Variants in RAP1GAP observed in about 807,000 individuals in gnomAD.
The protein encoded by RAP1GAP is rap1 GTPase-activating protein 1.
A neutral mutation model predicts 87.2 loss-of-function variants in RAP1GAP; 35 were observed. The observed-to-expected ratio is 0.40, with a 90% CI of 0.31 to 0.53. The LOEUF is 0.53. Ranked by LOEUF, RAP1GAP falls within the 20% of genes least tolerant of loss-of-function variation. RAP1GAP has a pLI of 0.48. For missense variants in RAP1GAP, 734 were observed against 898.9 expected (o/e 0.82, Z 2.35); for synonymous variants, 375 against 363.9 (o/e 1.03, Z -0.35).
intron 1 of RAP1GAP, among the ~76,000 whole-genome samples, chr1:21,654,848 A>G (rs541137329): frequency 6.6e-6 from 1 of 151,500 alleles, no homozygotes; most frequent in South Asian, 2.1e-4. Context: ...AAAAGAAAAA[A>G]GAAAAAGAAA....
chr1:21,636,946 AAGGGAGGGAGGG>A (rs1279072309), intron 2 of RAP1GAP, among the ~76,000 whole-genome samples: 34 of 62,232 alleles, frequency 5.5e-4, no homozygotes, highest in Admixed American at 2.4e-3. Context: ...GGGAGGGAGG[AAGGGAGGGAGGG>A]AGGGAGGAAG....
Position 21,634,023 on chromosome 1 carries a change from C to T in RAP1GAP, c.-112-7626G>A, listed in dbSNP as rs911633934. Among the ~76,000 whole-genome samples, 1 of 148,892 alleles carries T rather than the reference C, an allele frequency of 6.7e-6. No individual in the cohort carries two copies. Among genetic ancestry groups the T allele is most frequent in the South Asian group, 2.1e-4 (1 of 4,652 alleles). On this transcript the variant is annotated intron_variant, in intron 2 of 24. Transcript: ENST00000374765. This position sits in a 1 kb window ranked among gnomAD's most constrained non-coding sequence, Gnocchi z 4.1. Reference sequence around the variant, plus strand: ...TGAGGGGACTCGAATCTCCTGAAACCAGAACCAAGTGGCTGCCCCAGAACT... The same window carrying T: ...TGAGGGGACTCGAATCTCCTGAAACTAGAACCAAGTGGCTGCCCCAGAACT...
intron 2 of RAP1GAP, among the ~76,000 whole-genome samples, chr1:21,633,336 C>T (rs2094130737): frequency 6.6e-6 from 1 of 152,212 alleles, no homozygotes; most frequent in Non-Finnish European, 1.5e-5. Context: ...TCTGTCCTAA[C>T]CTCCCCAGGC....
At position 21,617,295 on chromosome 1, in the gene RAP1GAP, C is replaced by T. The variant is rs765451223; in HGVS notation, c.291+11G>A. ...CCCCAGCCAGCCCCGCTGCACCAGC[C>T]GGCCACCCACCTTGCCGAGAAAGTG... On this transcript the variant is annotated intron_variant, in intron 7 of 24. Coordinates refer to ENST00000374765, the MANE Select transcript of RAP1GAP (RefSeq NM_002885.4). The T allele has an allele frequency of 1.9e-5, 30 of 1,559,342 alleles. No homozygotes were observed. The South Asian group carries it at 2.0e-4, about 10-fold the overall frequency.
At position 21,613,344 on chromosome 1, in the gene RAP1GAP, G is replaced by T; in HGVS notation, c.475-115C>A. The T allele has an allele frequency of 1.0e-6, 1 of 973,974 alleles. No individual in the cohort carries two copies. The highest frequency in any genetic ancestry group is 1.6e-6 in the Non-Finnish European group (1 of 608,944). 60.3% of individuals were successfully genotyped at this position (973,974 alleles called of 1,614,324 possible). On this transcript the variant is annotated intron_variant, in intron 9 of 24. Transcript: ENST00000374765. This position sits in a 1 kb window ranked among gnomAD's most constrained non-coding sequence, Gnocchi z 4.7. ...AGGAGCCATGCTGGGAATGGCCAAG[G>T]CTAAAGCAGGACTCGGGGTTCACTG...
At chr1:21,648,685 C>T (rs1191779009) in intron 2 of RAP1GAP, among the ~76,000 whole-genome samples, 1 of 152,192 alleles carries the variant, frequency 6.6e-6, no homozygotes, top group African/African-American at 2.4e-5. Context: ...GCTTTTATCC[C>T]CCCTCAGTCT....
chr1:21,604,828 T>G (rs183673368), intron 18 of RAP1GAP, among the ~76,000 whole-genome samples: 118 of 129,266 alleles, frequency 9.1e-4, no homozygotes, highest in African/African-American at 3.4e-3. Flanking sequence ...TGGATGGAGA[T>G]AGAGGGATGG....
chr1:21,664,271 G>A (rs936568601), intron 1 of RAP1GAP, among the ~76,000 whole-genome samples: 8 of 152,154 alleles, frequency 5.3e-5, no homozygotes, highest in South Asian at 2.1e-4. Context: ...TGAGGCCCAG[G>A]GAAACAGGCG....
chr1:21,608,940 G>A lies in RAP1GAP; in HGVS notation c.1072-4C>T. 6.2e-7 allele frequency: 1 copy of A among 1,611,318 alleles called. No homozygotes were observed. Among genetic ancestry groups the A allele is most frequent in the Non-Finnish European group, 8.5e-7 (1 of 1,177,570 alleles). ...AAAATTCCTGGAACTCAGGCCCCTG[G>A]AAACTCCCAGTGTGGAGGAGATAAG... On this transcript the variant is annotated splice_polypyrimidine_tract_variant and splice_region_variant and intron_variant, in intron 15 of 24. Transcript: ENST00000374765.
chr1:21,605,320 T>C (rs2073619802), intron 18 of RAP1GAP, among the ~76,000 whole-genome samples: 1 of 152,184 alleles, frequency 6.6e-6, no homozygotes, highest in Non-Finnish European at 1.5e-5. Flanking sequence ...ACAGAGGCCC[T>C]GGCTGCTGCG....
At position 21,612,127 on chromosome 1, in the gene RAP1GAP, G is replaced by A. The variant is rs200284541; in HGVS notation, c.529-18C>T. Reference sequence around the variant, plus strand: ...CGGGAAGCCTGCAGGAGAGGACGCCGGGTGAAGAGGCTGCGTGTGCAAGCT... The same window carrying A: ...CGGGAAGCCTGCAGGAGAGGACGCCAGGTGAAGAGGCTGCGTGTGCAAGCT... On this transcript the variant is annotated intron_variant, in intron 10 of 24. Transcript: ENST00000374765. The A allele has an allele frequency of 9.3e-5, 142 of 1,530,546 alleles. 1 individual carries two copies. In the East Asian group the frequency reaches 1.9e-3, roughly 20 times the overall value. 94.8% of individuals were successfully genotyped at this position (1,530,546 alleles called of 1,614,324 possible).
At chr1:21,601,022 C>CT (rs139287802) in intron 20 of RAP1GAP, among the ~76,000 whole-genome samples, 128,312 of 141,904 alleles carry the variant, frequency 0.9, 57,970 homozygotes, top group East Asian at 0.97. Flanking sequence ...CTCAGATACT[C>CT]TTTTTTTTTT....
intron 1 of RAP1GAP, among the ~76,000 whole-genome samples, chr1:21,655,159 AAAG>A (rs2096811278): frequency 6.6e-6 from 1 of 152,132 alleles, no homozygotes; most frequent in South Asian, 2.1e-4. Flanking sequence ...AAAAAGAAGA[AAAG>A]AAAAAAAATT....
chr1:21,629,963 C>T (rs949090519), intron 2 of RAP1GAP, among the ~76,000 whole-genome samples: 5 of 152,310 alleles, frequency 3.3e-5, no homozygotes, highest in South Asian at 2.1e-4. Flanking sequence ...CTCAGGAACA[C>T]GATCCAGCAC....
Position 21,666,682 on chromosome 1 carries a change from C to T in RAP1GAP, c.-149+2572G>A, listed in dbSNP as rs141384450. 1.6e-4 allele frequency among the ~76,000 whole-genome samples: 24 copies of T among 152,288 alleles called. 1 individual carries two copies. The East Asian group carries it at 4.4e-3, about 28-fold the overall frequency. On this transcript the variant is annotated intron_variant, in intron 1 of 24. Transcript: ENST00000374765. Reference sequence around the variant, plus strand: ...TCCCCGGGTGATGAAGCATTAACATCCCACACGCAGGAAGCTGATGTAATT... The same window carrying T: ...TCCCCGGGTGATGAAGCATTAACATTCCACACGCAGGAAGCTGATGTAATT...
In RAP1GAP at chr1:21,603,125, G is replaced by A. The variant is rs1228299535; in HGVS notation, c.1429-212C>T. 3.2e-5 allele frequency: 18 copies of A among 560,870 alleles called. No homozygotes were observed. Among genetic ancestry groups the A allele is most frequent in the East Asian group, 5.8e-5 (2 of 34,278 alleles). The allele number at this position is 560,870 out of a possible 1,614,324, so 34.7% of individuals were successfully genotyped here. A position where few individuals can be genotyped will look rare whatever the true frequency, so the allele number is the denominator to read the frequency against. On this transcript the variant is annotated intron_variant, in intron 18 of 24. Coordinates refer to ENST00000374765, the MANE Select transcript of RAP1GAP (RefSeq NM_002885.4). This position sits in a 1 kb window ranked among gnomAD's most constrained non-coding sequence, Gnocchi z 6.0. ...GCAAGGGGCTCTCCCGAGCTCACACGGCAGGACTGCACGTCAATACTGGCC... is the reference window on the plus strand; with the variant it reads ...GCAAGGGGCTCTCCCGAGCTCACACAGCAGGACTGCACGTCAATACTGGCC...
chr1:21,664,943 G>A (rs1024764869), intron 1 of RAP1GAP, among the ~76,000 whole-genome samples: 8 of 152,152 alleles, frequency 5.3e-5, no homozygotes, highest in South Asian at 2.1e-4. Flanking sequence ...ATAAAAGCTC[G>A]TCATCCCCGT....
chr1:21,617,144 C>T (rs2082687463), intron 7 of RAP1GAP, among the ~76,000 whole-genome samples, 162 bp downstream of exon 7: 1 of 152,150 alleles, frequency 6.6e-6, no homozygotes, highest in African/African-American at 2.4e-5. Context: ...ATGCATGTTC[C>T]CTGGGGACTG....
intron 1 of RAP1GAP, among the ~76,000 whole-genome samples, chr1:21,665,501 T>C (rs961919358): frequency 2.0e-5 from 3 of 152,178 alleles, no homozygotes; most frequent in African/African-American, 7.2e-5. Context: ...GCTGCTCCCA[T>C]TGTGCTGGTG....
Sources: allele counts gnomAD v4.1 joint callset (sites outside exome capture counted in the v4.1 genomes callset), GRCh38; gene constraint gnomAD v4.1.1; non-coding constraint Gnocchi (gnomAD v3.1); transcripts MANE v1.5; gene names NCBI Gene and HGNC (gene_info 2026-07-23, HGNC 2026-07-21).